The following CILP variants were observed in gnomAD, a reference collection of about 807,000 sequenced individuals.
The protein encoded by CILP is cartilage intermediate layer protein, also known as cartilage intermediate layer protein 1.
A neutral mutation model predicts 82.5 loss-of-function variants in CILP; 75 were observed. The ratio of observed to expected loss-of-function variants is 0.91; its 90% CI spans 0.75 to 1.10. CILP has a LOEUF of 1.10. Among genes scored for constraint, CILP ranks in the 50% least tolerant of loss-of-function variants. The pLI is 0.00. For missense variants in CILP, 1,479 were observed against 1,530.8 expected (o/e 0.97, Z 0.56); for synonymous variants, 530 against 580.3 (o/e 0.91, Z 1.25).
chr15:65,206,312 T>G (rs2088516878), intron 4 of CILP, among the ~76,000 whole-genome samples: 1 of 152,156 alleles, frequency 6.6e-6, no homozygotes, highest in African/African-American at 2.4e-5. Flanking sequence ...CAGTGAGCAT[T>G]TACCTGGGTT....
rs2088364168 is a variant in CILP at position 65,196,611 on chromosome 15, ACAAACAAG to A, written c.*112_*119del. On this transcript the variant is annotated 3_prime_UTR_variant, in exon 9 of 9. Coordinates refer to ENST00000261883, the MANE Select transcript of CILP (RefSeq NM_003613.4). ...ACAAAGTAAGTAAAGGCATGAAGAA[ACAAACAAG>A]CAAATTCACGAAAACAGAAGTGCTT... The A allele has an allele frequency of 1.1e-6, 1 of 920,362 alleles. No individual in the cohort carries two copies. The highest frequency in any genetic ancestry group is 1.6e-6 in the Non-Finnish European group (1 of 631,456). 57.0% of individuals were successfully genotyped at this position (920,362 alleles called of 1,614,324 possible).
In CILP at chr15:65,201,550, G is replaced by A. The variant is rs186351044; in HGVS notation, c.1186+322C>T. On this transcript the variant is annotated intron_variant, in intron 8 of 8. Coordinates refer to ENST00000261883, the MANE Select transcript of CILP (RefSeq NM_003613.4). ...TCAAGACCAGCCTGGCCAACATGGC[G>A]AAACACCATCTCTACTAAAAATATA... Among the ~76,000 whole-genome samples the A allele has an allele frequency of 1.3e-3, 201 of 151,948 alleles. 1 individual carries two copies. The highest frequency in any genetic ancestry group is 4.2e-3 in the African/African-American group (175 of 41,458).
rs748174703 is a variant in CILP, at chr15:65,197,843, G to A, written c.2443C>T (p.Gln815Ter). 3 of 1,614,146 alleles carry A rather than the reference G, an allele frequency of 1.9e-6. No homozygotes were observed. The highest frequency in any genetic ancestry group is 2.5e-6 in the Non-Finnish European group (3 of 1,180,028). Reference sequence around the variant, plus strand: ...TAGGCAGAGTAGGCATCAGGGGACTGGTCATCACAGAAGGCAGGCACACAG... The same window carrying A: ...TAGGCAGAGTAGGCATCAGGGGACTAGTCATCACAGAAGGCAGGCACACAG... ...GACVPAFCDD[Q>*]SPDAYSAYVL... The change falls in exon 9 of 9, where the codon CAG becomes TAG. Residue 815 changes from glutamine (Q) to a stop codon, truncating the protein, a stop_gained. Coordinates refer to ENST00000261883, the MANE Select transcript of CILP (RefSeq NM_003613.4). LOFTEE classifies it high-confidence loss of function.
chr15:65,202,573 A>C (rs2517384), intron 7 of CILP, among the ~76,000 whole-genome samples: 2 of 151,700 alleles, frequency 1.3e-5, no homozygotes, highest in African/African-American at 4.8e-5. Flanking sequence ...GATTACAGGC[A>C]TGCACCACCA....
At chr15:65,210,595 G>A (rs376475908) in intron 1 of CILP, among the ~76,000 whole-genome samples, 1 of 152,208 alleles carries the variant, frequency 6.6e-6, no homozygotes, top group Admixed American at 6.5e-5. Flanking sequence ...GGCCCAGGCC[G>A]CAGCTGAGCA....
At chr15:65,205,216 C>A in intron 5 of CILP, 71 bp downstream of exon 5, 1 of 1,435,224 alleles carries the variant, frequency 7.0e-7, no homozygotes, top group South Asian at 1.3e-5. Flanking sequence ...TCAAACTGAC[C>A]CTCTAACTCC....
In CILP at chr15:65,201,755, GAAAGA is replaced by G. The variant is rs1402183232; in HGVS notation, c.1186+112_1186+116del. 248 of 474,258 alleles carry G rather than the reference GAAAGA, an allele frequency of 5.2e-4. 1 individual carries two copies. Among genetic ancestry groups the G allele is most frequent in the African/African-American group, 4.6e-3 (212 of 46,390 alleles). The allele number at this position is 474,258 out of a possible 1,614,324, so 29.4% of individuals were successfully genotyped here. ...AAAAAAAAAAAAAAAAAAAAAGAAA[GAAAGA>G]AAAGAAAAGAAAAAAGAAAAGCCTT... On this transcript the variant is annotated intron_variant, in intron 8 of 8. Coordinates refer to ENST00000261883, the MANE Select transcript of CILP (RefSeq NM_003613.4).
In CILP at chr15:65,203,384, G is replaced by C. The variant is rs990898542; in HGVS notation, c.1006C>G (p.Pro336Ala). The C allele has an allele frequency of 5.6e-6, 9 of 1,613,468 alleles. No homozygotes were observed. The highest frequency in any genetic ancestry group is 7.6e-6 in the Non-Finnish European group (9 of 1,179,850). Residue 336 changes from proline (P) to alanine (A), a missense_variant, in exon 7 of 9, where the codon CCC (proline) becomes GCC (alanine). Coordinates refer to ENST00000261883, the MANE Select transcript of CILP (RefSeq NM_003613.4). ...VSLCCKATGK[P>A]RPDKYFWYHN... is the part of the protein sequence containing the mutation. ...CACCAAAAATACTTGTCTGGCCTGG[G>C]CTTCCCTGTGGCCTTACAGCACAGA...
chr15:65,206,887 G>A lies in CILP; in HGVS notation c.319C>T (p.Gln107Ter). ...TCACGGGGACTACCATGGACCACCT[G>A]GCCAGTGCTGCCCGCAGGTGTCCAG... is the stretch of plus-strand genomic sequence containing the variant. ...TDWTPAGSTG[Q>*]VVHGSPREGF... The change falls in exon 4 of 9, where the codon CAG becomes TAG. Residue 107 changes from glutamine (Q) to a stop codon, truncating the protein, a stop_gained. Coordinates refer to ENST00000261883, the MANE Select transcript of CILP (RefSeq NM_003613.4). LOFTEE classifies it high-confidence loss of function. The A allele has an allele frequency of 6.2e-7, 1 of 1,613,998 alleles. No individual in the cohort carries two copies. Among genetic ancestry groups the A allele is most frequent in the Non-Finnish European group, 8.5e-7 (1 of 1,180,014 alleles).
Position 65,198,249 on chromosome 15 carries a change from C to G in CILP, c.2037G>C (p.Lys679Asn). The G allele has an allele frequency of 4.3e-6, 7 of 1,614,262 alleles. No individual in the cohort carries two copies. Among genetic ancestry groups the G allele is most frequent in the Non-Finnish European group, 5.9e-6 (7 of 1,180,048 alleles). ...TGACCTGGGTCGAGTCAAGGTGGAC[C>G]TTCACTTTGCCAGCATTAAGTGGCT... ...TSEPLNAGKV[K>N]VHLDSTQVKM... Residue 679 changes from lysine (K) to asparagine (N), a missense_variant, in exon 9 of 9, where the codon AAG becomes AAC. Physicochemically the swap from Lys to Asn is moderately conservative, Grantham distance 94. Coordinates refer to ENST00000261883, the MANE Select transcript of CILP (RefSeq NM_003613.4).
intron 8 of CILP, 34 bp downstream of exon 8, chr15:65,201,838 G>A: frequency 6.9e-7 from 1 of 1,441,648 alleles, no homozygotes; most frequent in Admixed American, 2.6e-5. Context: ...CCCTGTTGCA[G>A]ACCCAGGGGC....
At position 65,198,954 on chromosome 15, in the gene CILP, C is replaced by T; in HGVS notation, c.1332G>A (p.Gly444=). 1.2e-6 allele frequency: 2 copies of T among 1,613,902 alleles called. No homozygotes were observed. Among genetic ancestry groups the T allele is most frequent in the South Asian group, 1.1e-5 (1 of 91,080 alleles). ...VKTCAGQQDN[G]IRCRDAVQNC... ...TCTGCACAGCATCACGGCACCTGAT[C>T]CCATTATCCTGCTGCCCTGCACAAG... The change falls in exon 9 of 9, where the codon GGG becomes GGA. Residue 444 remains glycine, a synonymous_variant. Coordinates refer to ENST00000261883, the MANE Select transcript of CILP (RefSeq NM_003613.4).
chr15:65,205,577 T>G, intron 4 of CILP, 111 bp from the exon 5 acceptor site: 1 of 1,042,992 alleles, frequency 9.6e-7, no homozygotes, highest in Middle Eastern at 2.7e-4. Flanking sequence ...TCCATTTATG[T>G]CGTAGATGTC....
rs956454312 is a variant in CILP, at chr15:65,207,032, T to C, written c.174A>G (p.Thr58=). ...CGCCTGGGTAGTCGATGTTGAACCATGTTGTCCACTCACCAGGGCCTGAGA... is the reference window on the plus strand; with the variant it reads ...CGCCTGGGTAGTCGATGTTGAACCACGTTGTCCACTCACCAGGGCCTGAGA... ...DTLESPGEWT[T]WFNIDYPGGK... is the part of the protein sequence containing the mutation. The change falls in exon 4 of 9, where the codon ACA becomes ACG. Residue 58 remains threonine (T), a synonymous_variant. Transcript: ENST00000261883. 9.3e-6 allele frequency: 15 copies of C among 1,613,214 alleles called. No individual in the cohort carries two copies. Among genetic ancestry groups the C allele is most frequent in the Non-Finnish European group, 1.2e-5 (14 of 1,179,826 alleles).
At chr15:65,210,007 C>A in intron 1 of CILP, 146 bp from the exon 2 acceptor site, 1 of 480,246 alleles carries the variant, frequency 2.1e-6, no homozygotes, top group Non-Finnish European at 3.8e-6. Flanking sequence ...AACCAGGTAG[C>A]TTGGGAGGTG....
intron 4 of CILP, among the ~76,000 whole-genome samples, chr15:65,206,229 G>A (rs1271854613): frequency 6.6e-6 from 1 of 152,174 alleles, no homozygotes. Flanking sequence ...TCAAAGGTCA[G>A]TTGTAAAGGT....
At chr15:65,208,885 C>A (rs548551019) in intron 2 of CILP, among the ~76,000 whole-genome samples, 1 of 152,220 alleles carries the variant, frequency 6.6e-6, no homozygotes, top group South Asian at 2.1e-4. Context: ...CAGCAGCTGT[C>A]AGGGTGGAAA....
At chr15:65,200,678 C>T (rs1043465449) in intron 8 of CILP, among the ~76,000 whole-genome samples, 3 of 152,208 alleles carry the variant, frequency 2.0e-5, no homozygotes, top group Non-Finnish European at 4.4e-5. Flanking sequence ...CATACACAAT[C>T]CCTGCCCATT....
chr15:65,200,779 A>G (rs1235356625), intron 8 of CILP, among the ~76,000 whole-genome samples: 2 of 152,186 alleles, frequency 1.3e-5, no homozygotes, highest in Non-Finnish European at 2.9e-5. Context: ...TCTCAGACCA[A>G]TTAAGTCAGA....
Sources: allele counts gnomAD v4.1 joint callset (sites outside exome capture counted in the v4.1 genomes callset), GRCh38; gene constraint gnomAD v4.1.1; transcripts MANE v1.5; gene names NCBI Gene and HGNC (gene_info 2026-07-23, HGNC 2026-07-21).